GTPBP4: variants seen among roughly 807,000 people sequenced by gnomAD.
GTPBP4 encodes GTP-binding protein 4.
In GTPBP4, 15 loss-of-function variants were observed where a neutral mutation model predicts 81.7. The ratio of observed to expected loss-of-function variants is 0.18; its 90% CI spans 0.12 to 0.28. The LOEUF (loss-of-function observed/expected upper bound fraction) is 0.28. Among genes scored for constraint, GTPBP4 ranks in the 10% least tolerant of loss-of-function variants. GTPBP4 has a pLI of 1.00. For synonymous variants in GTPBP4, 272 were observed against 274.6 expected (o/e 0.99, Z 0.09); for missense variants, 847 against 793.8 (o/e 1.07, Z -0.81).
At chr10:1,003,023 CCTT>C (rs1831665297) in intron 8 of GTPBP4, among the ~76,000 whole-genome samples, 2 of 152,328 alleles carry the variant, frequency 1.3e-5, no homozygotes, top group Middle Eastern at 3.4e-3. Flanking sequence ...CTTCTCTTCT[CCTT>C]CTTGAACTCC....
At chr10:998,570 C>T (rs1465419256) in intron 5 of GTPBP4, among the ~76,000 whole-genome samples, 1 of 152,196 alleles carries the variant, frequency 6.6e-6, no homozygotes, top group Non-Finnish European at 1.5e-5. Flanking sequence ...ATTTGGTGGC[C>T]ACTGCACTGG....
rs1021821938 is a variant in GTPBP4, at chr10:991,693, T to G, written c.49-796T>G. 1.3e-3 allele frequency among the ~76,000 whole-genome samples: 181 copies of G among 136,738 alleles called. 1 individual carries two copies. Among genetic ancestry groups the G allele is most frequent in the African/African-American group, 4.9e-3 (176 of 36,180 alleles). 89.7% of individuals were successfully genotyped at this position (136,738 alleles called of 152,430 possible). The stretch of plus-strand genomic sequence containing the variant: ...AAAGTATGGTGTAAAATTTATCTTT[T>G]TTTTTTTTTTTTTTTTTTTTGAGAC... On this transcript the variant is annotated intron_variant, in intron 1 of 16. Coordinates refer to ENST00000360803, the MANE Select transcript of GTPBP4 (RefSeq NM_012341.3).
intron 2 of GTPBP4, among the ~76,000 whole-genome samples, chr10:994,583 A>G (rs966850736): frequency 3.9e-5 from 6 of 152,262 alleles, no homozygotes; most frequent in African/African-American, 1.2e-4. Context: ...GAATGAGATT[A>G]TTCTTAACTG....
chr10:1,000,923 T>G (rs1379908338), intron 7 of GTPBP4, 25 bp from the exon 8 acceptor site: 1 of 1,599,158 alleles, frequency 6.3e-7, no homozygotes, highest in African/African-American at 1.3e-5. Flanking sequence ...GAATAATGAT[T>G]TCATTATTTT....
chr10:999,907 C>T (rs1232074562), intron 6 of GTPBP4, among the ~76,000 whole-genome samples: 1 of 152,132 alleles, frequency 6.6e-6, no homozygotes, highest in Non-Finnish European at 1.5e-5. Flanking sequence ...TGCAGTGAGC[C>T]GAGATTGTGC....
At chr10:1,009,106 C>T in intron 11 of GTPBP4, 71 bp downstream of exon 11, 1 of 1,195,088 alleles carries the variant, frequency 8.4e-7, no homozygotes, top group South Asian at 1.2e-5. Context: ...TCGTGGGGGC[C>T]TGGGGCATCG....
intron 8 of GTPBP4, among the ~76,000 whole-genome samples, chr10:1,003,519 G>A (rs983921026): frequency 6.6e-6 from 1 of 152,262 alleles, no homozygotes; most frequent in East Asian, 1.9e-4. Context: ...TAGAACAGGA[G>A]CCTCTTTTAT....
intron 1 of GTPBP4, among the ~76,000 whole-genome samples, chr10:990,772 A>G (rs1198214020): frequency 7.0e-6 from 1 of 142,462 alleles, no homozygotes; most frequent in African/African-American, 2.6e-5. Context: ...ATCTCGTATG[A>G]CCATACTAGA....
rs916420942 is a variant in GTPBP4, at chr10:1,007,822, A to G, written c.1113+694A>G. 1.2e-5 allele frequency: 6 copies of G among 489,932 alleles called. No homozygotes were observed. In the Admixed American group the frequency reaches 1.3e-4, roughly 11 times the overall value. 30.3% of individuals were successfully genotyped at this position (489,932 alleles called of 1,614,324 possible). ...GTCAGTCTTGTGTAAAGATGATTTT[A>G]TTGTTGTGTGTTTATGTAATGCTGG... is the stretch of plus-strand genomic sequence containing the variant. On this transcript the variant is annotated intron_variant, in intron 10 of 16. Coordinates refer to ENST00000360803, the MANE Select transcript of GTPBP4 (RefSeq NM_012341.3).
At position 1,019,925 on chromosome 10, in the gene GTPBP4, T is replaced by G; in HGVS notation, c.*2698T>G. On this transcript the variant is annotated 3_prime_UTR_variant, in exon 17 of 17. Coordinates refer to ENST00000360803, the MANE Select transcript of GTPBP4 (RefSeq NM_012341.3). ...GAGAAAATAAACACATTTGTTTTCC[T>G]CAGAAAATGAACACTTTCTTTGGTA... is the stretch of plus-strand genomic sequence containing the variant. 3.0e-6 allele frequency: 3 copies of G among 1,002,338 alleles called. No homozygotes were observed. The highest frequency in any genetic ancestry group is 4.5e-6 in the Non-Finnish European group (3 of 665,016). 62.1% of individuals were successfully genotyped at this position (1,002,338 alleles called of 1,614,324 possible).
intron 1 of GTPBP4, among the ~76,000 whole-genome samples, chr10:991,741 G>C (rs1485766288): frequency 7.4e-6 from 1 of 135,220 alleles, no homozygotes; most frequent in African/African-American, 2.8e-5. Context: ...TGTCGCCCAG[G>C]CTGGAGTGCA....
At position 1,019,885 on chromosome 10, in the gene GTPBP4, AT is replaced by A; in HGVS notation, c.*2661del. 8.0e-7 allele frequency: 1 copy of A among 1,254,844 alleles called. No individual in the cohort carries two copies. The highest frequency in any genetic ancestry group is 1.5e-5 in the African/African-American group (1 of 66,672). 77.7% of individuals were successfully genotyped at this position (1,254,844 alleles called of 1,614,324 possible). ...TAACAACGCTAATGTAAAACACAGA[AT>A]TTACAGAAAAATAGAGAAAATAAAC... is the stretch of plus-strand genomic sequence containing the variant. On this transcript the variant is annotated 3_prime_UTR_variant, in exon 17 of 17. Coordinates refer to ENST00000360803, the MANE Select transcript of GTPBP4 (RefSeq NM_012341.3).
intron 12 of GTPBP4, among the ~76,000 whole-genome samples, chr10:1,010,079 C>T (rs1831823596): frequency 6.6e-6 from 1 of 150,494 alleles, no homozygotes. Context: ...ATTTCTGTAG[C>T]TTTCTCCACG....
At chr10:1,017,023 G>A (rs1276560757) in intron 16 of GTPBP4, 52 bp from the exon 17 acceptor site, 5 of 1,488,206 alleles carry the variant, frequency 3.4e-6, no homozygotes, top group South Asian at 2.4e-5. Context: ...ATTCAGAATG[G>A]AAAATTGGTT....
chr10:1,001,161 A>T (rs1220389007), intron 8 of GTPBP4, 148 bp downstream of exon 8: 1 of 627,786 alleles, frequency 1.6e-6, no homozygotes, highest in Non-Finnish European at 2.8e-6. Context: ...GGTTTAGTGA[A>T]AAGACATAAT....
In GTPBP4 at chr10:1,010,427, G is replaced by A; in HGVS notation, c.1251G>A (p.Trp417Ter). The A allele has an allele frequency of 6.5e-7, 1 of 1,530,786 alleles. No individual in the cohort carries two copies. Among genetic ancestry groups the A allele is most frequent in the Non-Finnish European group, 9.1e-7 (1 of 1,104,044 alleles). 94.8% of individuals were successfully genotyped at this position (1,530,786 alleles called of 1,614,324 possible). Residue 417 changes from tryptophan (W) to a stop codon, truncating the protein, a stop_gained, in exon 13 of 17, where the codon TGG becomes TGA. Transcript: ENST00000360803. LOFTEE classifies it high-confidence loss of function. ...CCTTTTTTTTAACTTTAGAGTACTG[G>A]GATTTAATGAATTTGTCTGAAAAAC... ...DDYILDLQKY[W>*]DLMNLSEKHD...
In GTPBP4 at chr10:996,025, G is replaced by A. The variant is rs774928310; in HGVS notation, c.316G>A (p.Val106Met). 5.6e-6 allele frequency: 9 copies of A among 1,601,960 alleles called. No homozygotes were observed. The highest frequency in any genetic ancestry group is 1.7e-4 in the Middle Eastern group (1 of 6,036). Residue 106 changes from valine to methionine, a missense_variant, in exon 3 of 17, where the codon GTG becomes ATG. Around this residue, in one of 3 missense-constraint regions of GTPBP4, gnomAD observed 241 missense variants for 216.3 expected, o/e 1.11. Transcript: ENST00000360803. ...GCAAATAAATATTGCCAAAAATTTAGTGGACAAGTAAGGTACTTTTTTCTG... is the reference window on the plus strand; with the variant it reads ...GCAAATAAATATTGCCAAAAATTTAATGGACAAGTAAGGTACTTTTTTCTG... ...LGQINIAKNLVDNVAKDYVRL... is the reference protein window; with the variant it reads ...LGQINIAKNLMDNVAKDYVRL...
intron 1 of GTPBP4, among the ~76,000 whole-genome samples, chr10:989,450 G>C (rs1589020613): frequency 6.6e-6 from 1 of 152,108 alleles, no homozygotes; most frequent in East Asian, 1.9e-4. Context: ...ACGTTTTTAT[G>C]TAGTGAACAT....
rs773841237 is a variant in GTPBP4, at chr10:1,014,247, G to T, written c.1543G>T (p.Val515Phe). 1.3e-6 allele frequency: 2 copies of T among 1,586,454 alleles called. No individual in the cohort carries two copies. The highest frequency in any genetic ancestry group is 3.3e-5 in the Admixed American group (2 of 59,894). The change falls in exon 15 of 17, where the codon GTT (valine) becomes TTT (phenylalanine). Residue 515 changes from valine (V) to phenylalanine (F), a missense_variant and splice_region_variant. Transcript: ENST00000360803. ...TAATATTTCTTTTTATCCTTCTCAG[G>T]TTCAGAGGACAGTTTTGGAGAAGGA... Reference protein sequence around the residue: ...GPRMPRTAKKVQRTVLEKEMR... With the variant: ...GPRMPRTAKKFQRTVLEKEMR...
Sources: gnomAD v4.1 joint callset for allele counts (sites outside exome capture counted in the v4.1 genomes callset) on GRCh38, gnomAD v4.1.1 for gene constraint, gnomAD v4.1.1 regional missense constraint, MANE v1.5 for transcripts, NCBI Gene and HGNC (gene_info 2026-07-23, HGNC 2026-07-21) for gene names.